Variants in SLIT1 observed in about 807,000 individuals in gnomAD.
The protein encoded by SLIT1 is slit guidance ligand 1, also known as slit homolog 1 protein.
Under a neutral mutation model 186.1 loss-of-function variants are expected in SLIT1, and 66 were observed. The ratio of observed to expected loss-of-function variants is 0.35; its 90% CI spans 0.29 to 0.44. SLIT1 has a LOEUF of 0.44. Ranked by LOEUF, SLIT1 falls within the 20% of genes least tolerant of loss-of-function variation. SLIT1 has a pLI of 1.00. For synonymous variants in SLIT1, 761 were observed against 833.8 expected (o/e 0.91, Z 1.50); for missense variants, 1,638 against 2,037.4 (o/e 0.80, Z 3.77).
At chr10:97,063,999 C>T (rs1023588542) in intron 7 of SLIT1, among the ~76,000 whole-genome samples, 169 bp downstream of exon 7, 3 of 152,148 alleles carry the variant, frequency 2.0e-5, no homozygotes, top group African/African-American at 7.2e-5. Context: ...AACCGTATAA[C>T]TCCTTCCGCC....
rs188121531 is a variant in SLIT1, at chr10:97,171,776, G to A, written c.198-6886C>T. Among the ~76,000 whole-genome samples, 371 of 151,628 alleles carry A rather than the reference G, an allele frequency of 2.4e-3. 5 individuals are homozygous for A. The highest frequency in any genetic ancestry group is 8.6e-3 in the African/African-American group (357 of 41,302). On this transcript the variant is annotated intron_variant, in intron 1 of 36. Transcript: ENST00000266058. ...GGAGGTTGCAGTGAGGTGAGATCGT[G>A]CCAGTGCACTCCAGCCTGGGTGACA...
At position 97,013,599 on chromosome 10, in the gene SLIT1, G is replaced by A. The variant is rs1345611484; in HGVS notation, c.3203+142C>T. The A allele has an allele frequency of 1.8e-5, 12 of 657,428 alleles. No homozygotes were observed. The East Asian group carries it at 3.3e-4, about 18-fold the overall frequency. The allele number at this position is 657,428 out of a possible 1,614,324, so 40.7% of individuals were successfully genotyped here. A position where few individuals can be genotyped will look rare whatever the true frequency, so the allele number is the denominator to read the frequency against. On this transcript the variant is annotated intron_variant, in intron 30 of 36. Transcript: ENST00000266058. ...ACCCCTCCACCCACAACCCCGCATG[G>A]ATTCTCAGGAACCCTGTAGAGCTGA...
Position 97,050,088 on chromosome 10 carries a change from C to T in SLIT1, c.1302-970G>A, listed in dbSNP as rs138925865. On this transcript the variant is annotated intron_variant, in intron 13 of 36. Coordinates refer to ENST00000266058, the MANE Select transcript of SLIT1 (RefSeq NM_003061.3). ...GCTTGAACCCAGGGAGCAGAGGTTG[C>T]GGTGAGCTGAGATTGTGCCACTGCA... Among the ~76,000 whole-genome samples the T allele has an allele frequency of 8.0e-3, 1,218 of 152,194 alleles. 15 individuals are homozygous for T. Among genetic ancestry groups the T allele is most frequent in the African/African-American group, 0.028 (1,160 of 41,520 alleles).
intron 1 of SLIT1, among the ~76,000 whole-genome samples, chr10:97,170,657 C>T (rs1350475158): frequency 1.3e-5 from 2 of 152,226 alleles, no homozygotes; most frequent in Non-Finnish European, 2.9e-5. Flanking sequence ...AAAAATGCTC[C>T]AGTGGCAAAT....
chr10:97,185,389 G>T, intron 1 of SLIT1, 89 bp downstream of exon 1: 2 of 1,326,244 alleles, frequency 1.5e-6, no homozygotes, highest in South Asian at 2.7e-5. Flanking sequence ...GGGCCCCAAT[G>T]GTCCTGCCCC....
chr10:97,142,185 T>TA (rs58455720), intron 4 of SLIT1, among the ~76,000 whole-genome samples: 67,354 of 150,608 alleles, frequency 0.45, 16,571 homozygotes, highest in Admixed American at 0.59. Flanking sequence ...TCTCTCTTCT[T>TA]AAAAAAAAAC....
intron 25 of SLIT1, among the ~76,000 whole-genome samples, chr10:97,029,461 C>G (rs1427614022): frequency 1.3e-5 from 2 of 152,140 alleles, no homozygotes; most frequent in Admixed American, 1.3e-4. Context: ...CCTGAGGTGC[C>G]AGGCAGAGTC....
chr10:97,002,942 T>C lies in SLIT1; in HGVS notation c.3916A>G (p.Asn1306Asp). The C allele has an allele frequency of 6.2e-6, 10 of 1,614,122 alleles. No homozygotes were observed. Among genetic ancestry groups the C allele is most frequent in the Non-Finnish European group, 8.5e-6 (10 of 1,179,988 alleles). The stretch of plus-strand genomic sequence containing the variant: ...ATGCAACCGTGGAAGCCGGTGCCGT[T>C]GAGGATCTGCCACAGGCGGAAGGCA... ...SAAFRLWQIL[N>D]GTGFHGCIRN... The change falls in exon 35 of 37, where the codon AAC becomes GAC. Residue 1306 changes from asparagine (N) to aspartate (D), a missense_variant. Coordinates refer to ENST00000266058, the MANE Select transcript of SLIT1 (RefSeq NM_003061.3).
intron 4 of SLIT1, among the ~76,000 whole-genome samples, chr10:97,135,116 G>A (rs1264841411): frequency 2.0e-5 from 3 of 152,178 alleles, no homozygotes; most frequent in Admixed American, 6.5e-5. Flanking sequence ...AGAGGCCTAC[G>A]GGCCCAGCCT....
At chr10:97,060,015 A>G in intron 10 of SLIT1, 72 bp downstream of exon 10, 1 of 1,313,698 alleles carries the variant, frequency 7.6e-7, no homozygotes, top group Admixed American at 1.7e-5. Context: ...GGCCTGCCCC[A>G]GGGCTGTGGG....
intron 8 of SLIT1, among the ~76,000 whole-genome samples, 175 bp from the exon 9 acceptor site, chr10:97,060,962 G>A (rs1391883811): frequency 6.6e-6 from 1 of 152,242 alleles, no homozygotes; most frequent in Non-Finnish European, 1.5e-5. Context: ...CTCTGTGGGT[G>A]CCTGGCACAC....
chr10:97,047,164 C>A, intron 16 of SLIT1, 99 bp from the exon 17 acceptor site: 2 of 788,144 alleles, frequency 2.5e-6, no homozygotes, highest in East Asian at 2.6e-5. Flanking sequence ...AGAAGACTCC[C>A]AGAAGAATTT....
chr10:97,060,147 A>G lies in SLIT1; in HGVS notation c.953T>C (p.Leu318Pro). The change falls in exon 10 of 37, where the codon CTG becomes CCG. Residue 318 changes from leucine to proline, a missense_variant. Coordinates refer to ENST00000266058, the MANE Select transcript of SLIT1 (RefSeq NM_003061.3). ...PETMTEIRLE[L>P]NGIKSIPPGA... ...AGGAGGGATGGACTTGATGCCGTTC[A>G]GCTCCAGGCGTCTGCGGGGAGAAAA... is the stretch of plus-strand genomic sequence containing the variant. The G allele has an allele frequency of 6.2e-7, 1 of 1,614,128 alleles. No homozygotes were observed. Among genetic ancestry groups the G allele is most frequent in the Non-Finnish European group, 8.5e-7 (1 of 1,179,974 alleles).
intron 13 of SLIT1, among the ~76,000 whole-genome samples, chr10:97,049,406 C>A (rs545030627): frequency 8.0e-4 from 122 of 152,362 alleles, no homozygotes; most frequent in South Asian, 3.7e-3. Context: ...TTTCCACTCA[C>A]CTTTCCCTCT....
At chr10:97,052,100 G>GTT (rs528389263) in intron 13 of SLIT1, among the ~76,000 whole-genome samples, 1 of 88,954 alleles carries the variant, frequency 1.1e-5, no homozygotes, top group Non-Finnish European at 2.7e-5. Flanking sequence ...GTTTTTTTTT[G>GTT]TTTGTTTTTT....
chr10:97,081,279 G>A (rs1371657081), intron 4 of SLIT1, among the ~76,000 whole-genome samples: 2 of 152,192 alleles, frequency 1.3e-5, no homozygotes, highest in Non-Finnish European at 2.9e-5. Context: ...CCAGGGCAGA[G>A]GGGCTGTGAA....
At chr10:97,147,292 C>T (rs771560279) in intron 4 of SLIT1, among the ~76,000 whole-genome samples, 3 of 151,970 alleles carry the variant, frequency 2.0e-5, no homozygotes, top group Non-Finnish European at 4.4e-5. Context: ...AGCTATTGCT[C>T]AATGGGTACA....
intron 25 of SLIT1, among the ~76,000 whole-genome samples, chr10:97,023,970 G>A (rs2134603322): frequency 6.6e-6 from 1 of 151,946 alleles, no homozygotes. Flanking sequence ...AGAGAGAGAG[G>A]AAGGAAGGAA....
At chr10:97,115,226 G>A (rs1434947255) in intron 4 of SLIT1, among the ~76,000 whole-genome samples, 1 of 152,210 alleles carries the variant, frequency 6.6e-6, no homozygotes, top group Non-Finnish European at 1.5e-5. Context: ...CCTGGGCTCT[G>A]CTTGACCTCG....
Sources: gnomAD v4.1 joint callset for allele counts (sites outside exome capture counted in the v4.1 genomes callset) on GRCh38, gnomAD v4.1.1 for gene constraint, MANE v1.5 for transcripts, NCBI Gene and HGNC (gene_info 2026-07-23, HGNC 2026-07-21) for gene names.